Variants in TTLL5 observed in about 807,000 individuals in gnomAD.
TTLL5 encodes the protein tubulin polyglutamylase TTLL5.
A neutral mutation model predicts 168.4 loss-of-function variants in TTLL5; 132 were observed. The observed-to-expected ratio is 0.78, with a 90% confidence interval of 0.68 to 0.91. The LOEUF is 0.91. Ranked by LOEUF, TTLL5 falls within the 40% of genes least tolerant of loss-of-function variation. The pLI, the probability that TTLL5 is intolerant of heterozygous loss-of-function variation, is 0.00. For missense variants in TTLL5, 1,545 were observed against 1,581.5 expected, an observed-to-expected ratio of 0.98 and a Z score of 0.39; for synonymous variants, 546 against 558.6, an observed-to-expected ratio of 0.98 and a Z score of 0.32.
chr14:75,940,382 ATTAAATC>A (rs2034565269), intron 31 of TTLL5, among the ~76,000 whole-genome samples: 1 of 152,178 alleles, frequency 6.6e-6, no homozygotes, highest in South Asian at 2.1e-4. Context: ...CCCGGCCGAA[ATTAAATC>A]TTTTTAAGAA....
chr14:75,924,122 C>T (rs1213084250), intron 31 of TTLL5, among the ~76,000 whole-genome samples: 3 of 150,970 alleles, frequency 2.0e-5, no homozygotes, highest in Non-Finnish European at 2.9e-5. Flanking sequence ...TGTCTCTGCA[C>T]GTGAGATGGG....
intron 31 of TTLL5, among the ~76,000 whole-genome samples, chr14:75,921,506 G>A (rs911840979): frequency 6.6e-6 from 1 of 152,096 alleles, no homozygotes; most frequent in South Asian, 2.1e-4. Context: ...GCTTGTTTTT[G>A]TCAGGTTTGT....
chr14:75,767,659 G>A (rs1162577289), intron 20 of TTLL5, among the ~76,000 whole-genome samples: 1 of 152,316 alleles, frequency 6.6e-6, no homozygotes, highest in South Asian at 2.1e-4. Flanking sequence ...ATTGTGAAGG[G>A]CCGTAAGAGG....
At chr14:75,745,657 A>G (rs1889561912) in intron 17 of TTLL5, 76 bp downstream of exon 17, 1 of 1,150,906 alleles carries the variant, frequency 8.7e-7, no homozygotes, top group Non-Finnish European at 1.3e-6. Context: ...CACTGTCATC[A>G]CTGCTCCCCC....
At chr14:75,732,104 C>A in intron 12 of TTLL5, 1 of 383,696 alleles carries the variant, frequency 2.6e-6, no homozygotes, top group Admixed American at 4.5e-5. Context: ...CATCAATAGA[C>A]ACTGCATGAT....
chr14:75,715,599 C>T (rs1008352357), intron 9 of TTLL5, among the ~76,000 whole-genome samples: 1 of 152,052 alleles, frequency 6.6e-6, no homozygotes, highest in African/African-American at 2.4e-5. Flanking sequence ...GTATGTTCCC[C>T]ACTAGACTGA....
intron 31 of TTLL5, among the ~76,000 whole-genome samples, chr14:75,945,060 G>A (rs1254073337): frequency 6.6e-6 from 1 of 151,910 alleles, no homozygotes; most frequent in Non-Finnish European, 1.5e-5. Flanking sequence ...AGAGATGCAA[G>A]ACGCCAGAAG....
rs746403694 is a variant in TTLL5, at chr14:75,769,544, T to G, written c.2016-2190T>G. Among the ~76,000 whole-genome samples, 11 of 152,320 alleles carry G rather than the reference T, an allele frequency of 7.2e-5. No individual in the cohort carries two copies. The Middle Eastern group carries it at 0.014, about 188-fold the overall frequency. Reference sequence around the variant, plus strand: ...ATGGAAATGGAAACCTCAATATTTGTTCATTTGCTTTGCAACAGTGATTCA... The same window carrying G: ...ATGGAAATGGAAACCTCAATATTTGGTCATTTGCTTTGCAACAGTGATTCA... On this transcript the variant is annotated intron_variant, in intron 20 of 31. Transcript: ENST00000298832.
At chr14:75,728,834 G>A (rs1376445801) in intron 12 of TTLL5, among the ~76,000 whole-genome samples, 3 of 152,106 alleles carry the variant, frequency 2.0e-5, no homozygotes, top group Non-Finnish European at 4.4e-5. Context: ...GAAAGGAGGA[G>A]TGGAAAGGGG....
intron 29 of TTLL5, among the ~76,000 whole-genome samples, chr14:75,864,988 C>T (rs1454702010): frequency 6.6e-6 from 1 of 151,970 alleles, no homozygotes; most frequent in African/African-American, 2.4e-5. Context: ...TCATCTTTAC[C>T]TGCGGTAGTA....
intron 30 of TTLL5, among the ~76,000 whole-genome samples, chr14:75,897,829 C>G (rs1595229134): frequency 1.3e-5 from 2 of 152,148 alleles, no homozygotes; most frequent in African/African-American, 4.8e-5. Context: ...CTAAATAAGA[C>G]CATTACCAGA....
At chr14:75,921,868 G>GTTC (rs1336552377) in intron 31 of TTLL5, among the ~76,000 whole-genome samples, 1 of 152,224 alleles carries the variant, frequency 6.6e-6, no homozygotes, top group African/African-American at 2.4e-5. Context: ...AGCATGGAAT[G>GTTC]TTCTTCATTT....
intron 1 of TTLL5, chr14:75,661,727 G>A (rs753496634): frequency 5.3e-5 from 8 of 152,272 alleles, no homozygotes; most frequent in Non-Finnish European, 2.9e-5. Context: ...CCGTTTGGAG[G>A]TTTTGTTTGT....
chr14:75,905,343 G>A (rs1340605606), intron 31 of TTLL5, among the ~76,000 whole-genome samples: 1 of 152,318 alleles, frequency 6.6e-6, no homozygotes, highest in Non-Finnish European at 1.5e-5. Context: ...GCTTTCGGCT[G>A]TGTGACTGTT....
intron 3 of TTLL5, among the ~76,000 whole-genome samples, chr14:75,677,770 C>T (rs544599840): frequency 2.9e-4 from 44 of 151,328 alleles, no homozygotes; most frequent in South Asian, 1.7e-3. Flanking sequence ...GGCGCCCACC[C>T]GTACACTTGG....
At chr14:75,861,293 G>A (rs555797161) in intron 28 of TTLL5, among the ~76,000 whole-genome samples, 39 of 152,268 alleles carry the variant, frequency 2.6e-4, no homozygotes, top group African/African-American at 6.7e-4. Context: ...TACCCTTAAC[G>A]AGAGATTTGG....
At position 75,720,723 on chromosome 14, in the gene TTLL5, T is replaced by G; in HGVS notation, c.1042+20T>G. On this transcript the variant is annotated intron_variant, in intron 12 of 31. Transcript: ENST00000298832. ...GTTTTGGTAAGGAGACTCAAGAAGC[T>G]TAACATGTTTTGTGAAGAGGATCTT... The G allele has an allele frequency of 6.3e-7, 1 of 1,596,512 alleles. No homozygotes were observed. Among genetic ancestry groups the G allele is most frequent in the Middle Eastern group, 1.7e-4 (1 of 6,020 alleles).
chr14:75,863,927 A>AAAAAAAG, intron 29 of TTLL5, 65 bp downstream of exon 29: 1 of 1,307,424 alleles, frequency 7.6e-7, no homozygotes, highest in Admixed American at 3.0e-5. Flanking sequence ...AAAAAAAAAA[A>AAAAAAAG]AAAAAAAGGT....
chr14:75,861,177 C>CAACTG (rs10652303), intron 28 of TTLL5, among the ~76,000 whole-genome samples: 109,631 of 151,352 alleles, frequency 0.72, 40,096 homozygotes, highest in Admixed American at 0.79. Context: ...TACAATTGAG[C>CAACTG]AACTGAACTG....
Sources: gnomAD v4.1 joint callset for allele counts (sites outside exome capture counted in the v4.1 genomes callset) on GRCh38, gnomAD v4.1.1 for gene constraint, MANE v1.5 for transcripts, NCBI Gene and HGNC (gene_info 2026-07-23, HGNC 2026-07-21) for gene names.